SLIT3: variants seen among roughly 807,000 people sequenced by gnomAD.
SLIT3 encodes the protein slit guidance ligand 3.
Under a neutral mutation model 184.0 loss-of-function variants are expected in SLIT3, and 68 were observed. The ratio of observed to expected loss-of-function variants is 0.37; its 90% CI spans 0.30 to 0.45. The LOEUF is 0.45. Among genes scored for constraint, SLIT3 ranks in the 20% least tolerant of loss-of-function variants. SLIT3 has a pLI of 1.00. For missense variants in SLIT3, 1,707 were observed against 2,026.0 expected, an observed-to-expected ratio of 0.84 and a Z score of 3.02; for synonymous variants, 831 against 828.6, an observed-to-expected ratio of 1.00 and a Z score of -0.05.
intron 1 of SLIT3, among the ~76,000 whole-genome samples, chr5:169,289,899 G>T (rs114819789): frequency 2.6e-5 from 4 of 151,948 alleles, no homozygotes; most frequent in African/African-American, 9.7e-5. Flanking sequence ...ACACACTAGG[G>T]CATATGCTAG....
At chr5:169,292,092 T>G (rs190796864) in intron 1 of SLIT3, among the ~76,000 whole-genome samples, 111 of 152,284 alleles carry the variant, frequency 7.3e-4, no homozygotes, top group Non-Finnish European at 1.3e-3. Flanking sequence ...GCTTCATTCT[T>G]CATCATGTCT....
chr5:169,187,710 C>T (rs557226920), intron 4 of SLIT3, among the ~76,000 whole-genome samples: 1 of 151,884 alleles, frequency 6.6e-6, no homozygotes, highest in African/African-American at 2.4e-5. Context: ...TGCACCACCA[C>T]GCCCAGCTAA....
intron 4 of SLIT3, among the ~76,000 whole-genome samples, chr5:169,011,289 C>A (rs946578367): frequency 6.6e-6 from 1 of 152,154 alleles, no homozygotes; most frequent in Admixed American, 6.5e-5. Context: ...TTACCACTCT[C>A]CAGTGTGTAA....
At chr5:169,159,252 C>T (rs536619628) in intron 4 of SLIT3, among the ~76,000 whole-genome samples, 142 of 151,584 alleles carry the variant, frequency 9.4e-4, no homozygotes, top group Middle Eastern at 3.5e-3. Flanking sequence ...ATGGAGAAAC[C>T]CTGTCTCTAC....
chr5:169,214,548 G>A (rs975024120), intron 3 of SLIT3, among the ~76,000 whole-genome samples: 3 of 152,208 alleles, frequency 2.0e-5, no homozygotes. Flanking sequence ...CGGCAAATCC[G>A]TGTGTGAAAA....
chr5:168,682,047 G>A (rs1012379418), intron 32 of SLIT3, among the ~76,000 whole-genome samples: 2 of 152,210 alleles, frequency 1.3e-5, no homozygotes, highest in Non-Finnish European at 2.9e-5. Flanking sequence ...CCCTGGCCCT[G>A]CCTCCTTGGC....
At chr5:168,741,732 T>C (rs1211430098) in intron 20 of SLIT3, among the ~76,000 whole-genome samples, 17 of 151,442 alleles carry the variant, frequency 1.1e-4, no homozygotes, top group Admixed American at 3.3e-4. Flanking sequence ...CCAAAAGGCT[T>C]TCTGAAAGGA....
intron 4 of SLIT3, among the ~76,000 whole-genome samples, chr5:169,058,254 C>T (rs1167022780): frequency 6.6e-6 from 1 of 152,234 alleles, no homozygotes; most frequent in Non-Finnish European, 1.5e-5. Flanking sequence ...ATGCAAATAC[C>T]ATCACAGCCT....
chr5:168,686,902 G>A, intron 30 of SLIT3, 77 bp downstream of exon 30: 1 of 1,561,702 alleles, frequency 6.4e-7, no homozygotes, highest in Non-Finnish European at 8.8e-7. Flanking sequence ...CTCCATTCTG[G>A]CCACCTTAGC....
At chr5:168,790,451 G>C (rs1756326870) in intron 10 of SLIT3, 1 of 152,216 alleles carries the variant, frequency 6.6e-6, no homozygotes. Context: ...AGGCCCTGAG[G>C]CTGCTCAATT....
At chr5:168,912,914 G>A (rs1761300274) in intron 4 of SLIT3, among the ~76,000 whole-genome samples, 1 of 152,098 alleles carries the variant, frequency 6.6e-6, no homozygotes, top group African/African-American at 2.4e-5. Flanking sequence ...ATCCAGCCTG[G>A]ATTCACTTGT....
intron 3 of SLIT3, among the ~76,000 whole-genome samples, chr5:169,229,059 C>T (rs993917119): frequency 6.6e-6 from 1 of 152,076 alleles, no homozygotes; most frequent in Non-Finnish European, 1.5e-5. Flanking sequence ...CTTGGAGAAG[C>T]CGTGCGCACA....
chr5:168,740,910 A>C (rs1261689147), intron 20 of SLIT3, among the ~76,000 whole-genome samples: 1 of 152,118 alleles, frequency 6.6e-6, no homozygotes, highest in African/African-American at 2.4e-5. Flanking sequence ...TTGGCACTCA[A>C]TTGGCCCAGG....
chr5:169,137,648 TA>T (rs1175756885), intron 4 of SLIT3, among the ~76,000 whole-genome samples: 1 of 151,860 alleles, frequency 6.6e-6, no homozygotes, highest in Non-Finnish European at 1.5e-5. Flanking sequence ...CAACTGTGAT[TA>T]CCTTTAAACT....
At chr5:168,718,471 C>T (rs1762820311) in intron 23 of SLIT3, among the ~76,000 whole-genome samples, 1 of 152,166 alleles carries the variant, frequency 6.6e-6, no homozygotes, top group Admixed American at 6.5e-5. Flanking sequence ...CACACGCATA[C>T]AAGGCATGTG....
chr5:169,051,580 C>G (rs1274098243), intron 4 of SLIT3, among the ~76,000 whole-genome samples: 2 of 152,320 alleles, frequency 1.3e-5, no homozygotes, highest in Non-Finnish European at 2.9e-5. Flanking sequence ...AGGGATCCCA[C>G]TGTTTGCTAA....
chr5:169,020,818 GTC>G (rs1030616786), intron 4 of SLIT3, among the ~76,000 whole-genome samples: 1 of 152,192 alleles, frequency 6.6e-6, no homozygotes, highest in Non-Finnish European at 1.5e-5. Context: ...TTTGCCTGAA[GTC>G]TCTGCTCACT....
intron 1 of SLIT3, among the ~76,000 whole-genome samples, chr5:169,290,769 C>T (rs1313720095): frequency 6.6e-6 from 1 of 150,686 alleles, no homozygotes; most frequent in Non-Finnish European, 1.5e-5. Context: ...GGGGCACATG[C>T]TATGGCAACC....
chr5:168,839,334 G>C (rs1035048293), intron 6 of SLIT3, among the ~76,000 whole-genome samples: 1 of 152,124 alleles, frequency 6.6e-6, no homozygotes, highest in Admixed American at 6.5e-5. Context: ...GGATGGGTCA[G>C]CACAGGGGCC....
Sources: allele counts gnomAD v4.1 joint callset (sites outside exome capture counted in the v4.1 genomes callset), GRCh38; gene constraint gnomAD v4.1.1; transcripts MANE v1.5; gene names NCBI Gene and HGNC (gene_info 2026-07-23, HGNC 2026-07-21).